TRIM22: variants seen among roughly 807,000 people sequenced by gnomAD.
The protein encoded by TRIM22 is tripartite motif containing 22, also known as E3 ubiquitin-protein ligase TRIM22.
Under a neutral mutation model 53.6 loss-of-function variants are expected in TRIM22, and 45 were observed. The ratio of observed to expected loss-of-function variants is 0.84; its 90% CI spans 0.66 to 1.08. The LOEUF is 1.08. Ranked by LOEUF, TRIM22 falls within the 50% of genes least tolerant of loss-of-function variation. The pLI, the probability that TRIM22 is intolerant of heterozygous loss-of-function variation, is 0.00. For missense variants in TRIM22, 616 were observed against 590.9 expected (o/e 1.04, Z -0.44); for synonymous variants, 225 against 216.6 (o/e 1.04, Z -0.34).
chr11:5,702,702 CTTATA>C (rs1328158896), intron 4 of TRIM22, among the ~76,000 whole-genome samples: 1 of 151,898 alleles, frequency 6.6e-6, no homozygotes, highest in Non-Finnish European at 1.5e-5. Context: ...AAGCCATTAT[CTTATA>C]TATTAGTTGA....
In TRIM22 at chr11:5,698,332, G is replaced by C; in HGVS notation, c.537G>C (p.Glu179Asp). The C allele has an allele frequency of 6.2e-7, 1 of 1,614,128 alleles. No homozygotes were observed. Among genetic ancestry groups the C allele is most frequent in the Non-Finnish European group, 8.5e-7 (1 of 1,179,998 alleles). Residue 179 changes from glutamate to aspartate, a missense_variant, in exon 4 of 8, where the codon GAG becomes GAC. Coordinates refer to ENST00000379965, the MANE Select transcript of TRIM22 (RefSeq NM_006074.5). ...TTCCCAAGAATTATATCCAGATCGA[G>C]AGACAGAAGATTCTGAAAGGGTTCA... ...RTAWKNYIQI[E>D]RQKILKGFNE...
intron 4 of TRIM22, among the ~76,000 whole-genome samples, chr11:5,700,729 G>A (rs1368469748): frequency 1.3e-5 from 2 of 151,272 alleles, no homozygotes; most frequent in African/African-American, 4.9e-5. Context: ...CTGCCTCCCG[G>A]GTTCAAGCGA....
At position 5,700,605 on chromosome 11, in the gene TRIM22, T is replaced by TTTTC. The variant is rs369811867; in HGVS notation, c.750+2060_750+2061insTTTC. 8.0e-3 allele frequency among the ~76,000 whole-genome samples: 740 copies of TTTTC among 92,862 alleles called. 56 individuals are homozygous for TTTTC. The highest frequency in any genetic ancestry group is 0.029 in the African/African-American group (652 of 22,632). The allele number at this position is 92,862 out of a possible 152,430, so 60.9% of individuals were successfully genotyped here. A position where few individuals can be genotyped will look rare whatever the true frequency, so the allele number is the denominator to read the frequency against. ...GAGTCTTTTTTTTTTTTTTTTTTTT[T>TTTTC]CAGATTTGTAATGAAGTTGAGAAAC... On this transcript the variant is annotated intron_variant, in intron 4 of 7. Transcript: ENST00000379965.
At chr11:5,698,203 T>C in intron 3 of TRIM22, 112 bp from the exon 4 acceptor site, 3 of 847,690 alleles carry the variant, frequency 3.5e-6, no homozygotes, top group East Asian at 5.0e-5. Flanking sequence ...TTGCCTCCTA[T>C]TCCTTTTGAG....
chr11:5,709,345 CT>C lies in TRIM22; in HGVS notation c.1195del (p.Ser399ProfsTer12), dbSNP rs1564944663. The C allele has an allele frequency of 5.0e-6, 8 of 1,614,176 alleles. No homozygotes were observed. The highest frequency in any genetic ancestry group is 6.8e-6 in the Non-Finnish European group (8 of 1,180,024). ...CAAGTGTAAATTATTCAAAAGTTTA[CT>C]CCAGATATAGACCTCAATATGGCTA... is the stretch of plus-strand genomic sequence containing the variant. ...DPSVNYSKVY[S>X]RYRPQYGYWV... On this transcript the variant is annotated frameshift_variant, in exon 8 of 8. Coordinates refer to ENST00000379965, the MANE Select transcript of TRIM22 (RefSeq NM_006074.5). LOFTEE classifies it high-confidence loss of function.
chr11:5,708,115 C>G, intron 5 of TRIM22, 58 bp from the exon 6 acceptor site: 2 of 1,370,480 alleles, frequency 1.5e-6, no homozygotes, highest in Non-Finnish European at 2.1e-6. Flanking sequence ...AGACAGTGAT[C>G]TTGGATGGAG....
chr11:5,709,510 T>G lies in TRIM22; in HGVS notation c.1359T>G (p.Ile453Met). ...IGVFLDYEAG[I>M]VSFFNVTNHG... ...TTTTCCTAGACTATGAGGCAGGCAT[T>G]GTCTCATTTTTCAATGTCACAAACC... The change falls in exon 8 of 8, where the codon ATT (isoleucine) becomes ATG (methionine). Residue 453 changes from isoleucine (I) to methionine (M), a missense_variant. By Grantham distance (10) the Ile-to-Met change is conservative. Transcript: ENST00000379965. 6.2e-7 allele frequency: 1 copy of G among 1,614,168 alleles called. No homozygotes were observed.
chr11:5,708,819 C>T (rs1025237936), intron 7 of TRIM22, among the ~76,000 whole-genome samples: 10 of 151,546 alleles, frequency 6.6e-5, no homozygotes, highest in African/African-American at 2.2e-4. Flanking sequence ...TGGGTTCAAG[C>T]GATTCTGCTG....
In TRIM22 at chr11:5,693,079, G is replaced by T. The variant is rs572885005; in HGVS notation, c.-66-3088G>T. Among the ~76,000 whole-genome samples, 10 of 151,400 alleles carry T rather than the reference G, an allele frequency of 6.6e-5. No individual in the cohort carries two copies. In the East Asian group the frequency reaches 1.8e-3, roughly 27 times the overall value. ...ATATATATTTTTTAGTAGATACGGG[G>T]TCTCACCATAGTGGCCAGGCTGGCC... On this transcript the variant is annotated intron_variant, in intron 1 of 7. Transcript: ENST00000379965.
chr11:5,690,543 T>C (rs552889477), intron 1 of TRIM22, among the ~76,000 whole-genome samples: 6 of 152,252 alleles, frequency 3.9e-5, no homozygotes, highest in Non-Finnish European at 8.8e-5. Context: ...TGATAACGCC[T>C]GGTACTGTGA....
chr11:5,695,066 T>C (rs915857904), intron 1 of TRIM22, among the ~76,000 whole-genome samples: 2 of 152,212 alleles, frequency 1.3e-5, no homozygotes, highest in African/African-American at 4.8e-5. Context: ...CTTTTCTAGG[T>C]ATAGAGGACA....
At chr11:5,690,012 GAGGC>G (rs1239856027) in intron 1 of TRIM22, 113 bp downstream of exon 1, 3 of 152,270 alleles carry the variant, frequency 2.0e-5, no homozygotes, top group African/African-American at 4.8e-5. Context: ...TAAACAAAAA[GAGGC>G]AGCTTGTGAA....
chr11:5,701,237 C>T (rs900659617), intron 4 of TRIM22, among the ~76,000 whole-genome samples: 1 of 152,118 alleles, frequency 6.6e-6, no homozygotes, highest in Non-Finnish European at 1.5e-5. Context: ...CAAAATAGTC[C>T]ATCTCCTTTC....
intron 4 of TRIM22, among the ~76,000 whole-genome samples, chr11:5,700,395 G>A (rs1274508729): frequency 1.3e-5 from 2 of 151,896 alleles, no homozygotes; most frequent in Non-Finnish European, 2.9e-5. Flanking sequence ...GATTAAAGGC[G>A]TGAGCCACCG....
chr11:5,708,670 C>A, intron 7 of TRIM22, 67 bp downstream of exon 7: 3 of 1,390,860 alleles, frequency 2.2e-6, no homozygotes, highest in Non-Finnish European at 3.0e-6. Flanking sequence ...ATCTCATAAT[C>A]TGAGTCTCAT....
chr11:5,697,081 ACATT>A, intron 2 of TRIM22, 163 bp from the exon 3 acceptor site: 1 of 580,296 alleles, frequency 1.7e-6, no homozygotes, highest in Non-Finnish European at 3.0e-6. Context: ...AATAAAGAAT[ACATT>A]CATCTCCTCA....
intron 3 of TRIM22, 171 bp downstream of exon 3, chr11:5,697,514 G>A (rs1286213418): frequency 2.0e-5 from 10 of 511,502 alleles, no homozygotes; most frequent in Admixed American, 3.5e-5. Context: ...GGGCTGGAGA[G>A]TAGACATATC....
chr11:5,706,364 G>A (rs998882727), intron 4 of TRIM22, among the ~76,000 whole-genome samples: 3 of 152,046 alleles, frequency 2.0e-5, no homozygotes, highest in Admixed American at 6.5e-5. Context: ...AGATAGGAGG[G>A]CCTATTACTT....
At position 5,709,717 on chromosome 11, in the gene TRIM22, T is replaced by TC; in HGVS notation, c.*69_*70insC. 1 of 1,342,554 alleles carries TC rather than the reference T, an allele frequency of 7.4e-7. No homozygotes were observed. The highest frequency in any genetic ancestry group is 1.0e-6 in the Non-Finnish European group (1 of 968,982). The allele number at this position is 1,342,554 out of a possible 1,614,324, so 83.2% of individuals were successfully genotyped here. Reference sequence around the variant, plus strand: ...CTGAGACTCAGATTCTGCACCTGAGTTCATCTCTACTGAGACCATCTCTTC... The same window carrying TC: ...CTGAGACTCAGATTCTGCACCTGAGTCTCATCTCTACTGAGACCATCTCTTC... On this transcript the variant is annotated 3_prime_UTR_variant, in exon 8 of 8. Coordinates refer to ENST00000379965, the MANE Select transcript of TRIM22 (RefSeq NM_006074.5).
Sources: gnomAD v4.1 joint callset for allele counts (sites outside exome capture counted in the v4.1 genomes callset) on GRCh38, gnomAD v4.1.1 for gene constraint, MANE v1.5 for transcripts, NCBI Gene and HGNC (gene_info 2026-07-23, HGNC 2026-07-21) for gene names.